MED9: variants seen among roughly 807,000 people sequenced by gnomAD.
The protein encoded by MED9 is mediator of RNA polymerase II transcription subunit 9.
Under a neutral mutation model 13.2 loss-of-function variants are expected in MED9, and 8 were observed. The ratio of observed to expected loss-of-function variants is 0.61; its 90% CI spans 0.36 to 1.10. The LOEUF (loss-of-function observed/expected upper bound fraction) is 1.10. MED9 is among the 50% of genes least tolerant of loss of function. MED9 has a pLI of 0.02. For missense variants in MED9, 180 were observed against 193.4 expected (o/e 0.93, Z 0.41); for synonymous variants, 87 against 82.8 (o/e 1.05, Z -0.28).
chr17:17,484,781 G>A (rs1905095828), intron 1 of MED9, among the ~76,000 whole-genome samples: 1 of 152,188 alleles, frequency 6.6e-6, no homozygotes, highest in Admixed American at 6.5e-5. Context: ...CAGAAGGTGG[G>A]CCCCAGCAGA....
intron 1 of MED9, 151 bp downstream of exon 1, chr17:17,477,416 A>G (rs1904943185): frequency 1.3e-6 from 1 of 774,382 alleles, no homozygotes; most frequent in South Asian, 1.9e-5. Context: ...GCCTTTCCCA[A>G]GACCACAGAG....
intron 1 of MED9, chr17:17,486,847 G>A (rs1363042224): frequency 6.6e-6 from 1 of 151,988 alleles, no homozygotes; most frequent in Non-Finnish European, 1.5e-5. Context: ...GAGTCTTTAT[G>A]TCTAGCTCAG....
rs185728975 is a variant in MED9, at chr17:17,493,191, T to G, written c.*1696T>G. On this transcript the variant is annotated 3_prime_UTR_variant, in exon 2 of 2. Coordinates refer to ENST00000268711, the MANE Select transcript of MED9 (RefSeq NM_018019.3). ...CTTGTGACATTTTTCAAACACATAA[T>G]TAAAAGGACTTATGCTCTGCTGTCT... is the stretch of plus-strand genomic sequence containing the variant. The G allele has an allele frequency of 6.6e-6, 1 of 152,318 alleles. No homozygotes were observed. The highest frequency in any genetic ancestry group is 1.9e-4 in the East Asian group (1 of 5,186). 9.4% of individuals were successfully genotyped at this position (152,318 alleles called of 1,614,324 possible).
At chr17:17,480,753 A>G (rs1369435033) in intron 1 of MED9, among the ~76,000 whole-genome samples, 1 of 152,244 alleles carries the variant, frequency 6.6e-6, no homozygotes, top group Admixed American at 6.5e-5. Flanking sequence ...CAGTAGCCAC[A>G]AAGGAATGGA....
rs1905223221 is a variant in MED9 at position 17,491,355 on chromosome 17, A to G, written c.301A>G (p.Ile101Val). 6.2e-7 allele frequency: 1 copy of G among 1,613,744 alleles called. No individual in the cohort carries two copies. Residue 101 changes from isoleucine to valine, a missense_variant, in exon 2 of 2, where the codon ATC becomes GTC. Transcript: ENST00000268711. ...CAAGTTCCAGGAGATGCGCAAGCTC[A>G]TCAGCACCATGCCCGGCATCCACCT... ...KSKFQEMRKL[I>V]STMPGIHLSP...
chr17:17,488,598 T>C (rs1905177855), intron 1 of MED9, among the ~76,000 whole-genome samples: 1 of 151,770 alleles, frequency 6.6e-6, no homozygotes, highest in Admixed American at 6.6e-5. Flanking sequence ...CTTTGGGAGG[T>C]TGAGGTGGGC....
chr17:17,480,409 C>T (rs749688556), intron 1 of MED9, among the ~76,000 whole-genome samples: 4 of 152,006 alleles, frequency 2.6e-5, no homozygotes, highest in East Asian at 1.9e-4. Flanking sequence ...ATTTGCAGAG[C>T]TTCCACTAAG....
intron 1 of MED9, chr17:17,486,384 G>A (rs1378420367): frequency 6.5e-6 from 1 of 152,714 alleles, no homozygotes; most frequent in Non-Finnish European, 1.5e-5. Flanking sequence ...AGGGCTGCGT[G>A]CGGCGCTTGC....
At chr17:17,490,439 C>T (rs969500295) in intron 1 of MED9, among the ~76,000 whole-genome samples, 3 of 152,210 alleles carry the variant, frequency 2.0e-5, no homozygotes, top group South Asian at 2.1e-4. Flanking sequence ...GAGACCCTGT[C>T]TCAAACAAAC....
At chr17:17,482,808 C>T (rs771716885) in intron 1 of MED9, among the ~76,000 whole-genome samples, 10 of 152,296 alleles carry the variant, frequency 6.6e-5, no homozygotes, top group East Asian at 3.9e-4. Flanking sequence ...AAGGGGGCCT[C>T]GGTTAGCCAC....
chr17:17,490,817 G>GTCCCAAT, intron 1 of MED9, among the ~76,000 whole-genome samples: 1 of 152,328 alleles, frequency 6.6e-6, no homozygotes, highest in South Asian at 2.1e-4. Flanking sequence ...TAGACAAAAT[G>GTCCCAAT]TCGTATTTCA....
intron 1 of MED9, among the ~76,000 whole-genome samples, chr17:17,482,197 G>A (rs1249897569): frequency 1.3e-5 from 2 of 152,146 alleles, no homozygotes; most frequent in African/African-American, 4.8e-5. Flanking sequence ...CTTTGCCCAT[G>A]CTATCTTGGT....
rs575956836 is a variant in MED9 at position 17,492,787 on chromosome 17, A to G, written c.*1292A>G. The G allele has an allele frequency of 6.6e-6, 1 of 152,348 alleles. No individual in the cohort carries two copies. The highest frequency in any genetic ancestry group is 1.9e-4 in the East Asian group (1 of 5,180). The allele number at this position is 152,348 out of a possible 1,614,324, so 9.4% of individuals were successfully genotyped here. ...TCGTTGGCAGGAGGGTTGGGTGGAG[A>G]TGTTTTTAGCAGAGCTTCCATTAGT... On this transcript the variant is annotated 3_prime_UTR_variant, in exon 2 of 2. Coordinates refer to ENST00000268711, the MANE Select transcript of MED9 (RefSeq NM_018019.3).
intron 1 of MED9, among the ~76,000 whole-genome samples, chr17:17,481,518 G>A (rs960194232): frequency 5.3e-5 from 8 of 152,262 alleles, no homozygotes; most frequent in Non-Finnish European, 4.4e-5. Context: ...AGTTCCTTCT[G>A]GGAATTACAT....
At chr17:17,482,363 T>G (rs1443364905) in intron 1 of MED9, among the ~76,000 whole-genome samples, 1 of 152,236 alleles carries the variant, frequency 6.6e-6, no homozygotes, top group Non-Finnish European at 1.5e-5. Flanking sequence ...CTTTTAACTT[T>G]GGCAAATCTC....
At chr17:17,488,801 C>T (rs896499150) in intron 1 of MED9, among the ~76,000 whole-genome samples, 1 of 152,008 alleles carries the variant, frequency 6.6e-6, no homozygotes, top group African/African-American at 2.4e-5. Flanking sequence ...CCATTGCACT[C>T]CAGCCTGGGC....
Position 17,477,001 on chromosome 17 carries a change from C to A in MED9, c.-41C>A. On this transcript the variant is annotated 5_prime_UTR_variant, in exon 1 of 2. Coordinates refer to ENST00000268711, the MANE Select transcript of MED9 (RefSeq NM_018019.3). Reference sequence around the variant, plus strand: ...GTGGTGACGTGTAGAGTGCGCGACGCTTTTGGCGACCCGACCTCTGGCTAA... The same window carrying A: ...GTGGTGACGTGTAGAGTGCGCGACGATTTTGGCGACCCGACCTCTGGCTAA... The A allele has an allele frequency of 6.2e-7, 1 of 1,600,302 alleles. No homozygotes were observed. The highest frequency in any genetic ancestry group is 8.5e-7 in the Non-Finnish European group (1 of 1,179,264).
chr17:17,491,218 G>A, intron 1 of MED9, 61 bp from the exon 2 acceptor site: 1 of 1,476,754 alleles, frequency 6.8e-7, no homozygotes, highest in East Asian at 2.3e-5. Context: ...AGGGGGTGCA[G>A]GGCAGGAACG....
chr17:17,480,623 T>G (rs7206970), intron 1 of MED9, among the ~76,000 whole-genome samples: 242 of 152,078 alleles, frequency 1.6e-3, no homozygotes, highest in African/African-American at 5.8e-3. Flanking sequence ...ACTGCTACAC[T>G]TCAGCCTGGG....
Sources: allele counts gnomAD v4.1 joint callset (sites outside exome capture counted in the v4.1 genomes callset), GRCh38; gene constraint gnomAD v4.1.1; transcripts MANE v1.5; gene names NCBI Gene and HGNC (gene_info 2026-07-23, HGNC 2026-07-21).